Variants in DLG2 observed in about 807,000 individuals in gnomAD.
The protein encoded by DLG2 is disks large homolog 2.
A neutral mutation model predicts 132.5 loss-of-function variants in DLG2; 45 were observed. The observed-to-expected ratio is 0.34, with a 90% CI of 0.27 to 0.44. The LOEUF is 0.44. Among genes scored for constraint, DLG2 ranks in the 20% least tolerant of loss-of-function variants. DLG2 has a pLI of 1.00. For missense variants in DLG2, 1,045 were observed against 1,196.9 expected (o/e 0.87, Z 1.87); for synonymous variants, 424 against 419.6 (o/e 1.01, Z -0.13).
chr11:83,627,455 G>T (rs139526284), intron 19 of DLG2, among the ~76,000 whole-genome samples: 2 of 151,880 alleles, frequency 1.3e-5, no homozygotes, highest in South Asian at 2.1e-4. Context: ...TGAGTGAGAA[G>T]ATGCGGTGTT....
intron 11 of DLG2, among the ~76,000 whole-genome samples, chr11:84,001,527 G>A (rs2094345176): frequency 1.3e-5 from 2 of 152,034 alleles, no homozygotes; most frequent in South Asian, 4.1e-4. Context: ...ATCCCACTCG[G>A]CATTAGACAG....
At chr11:85,425,205 T>C (rs1477633558) in intron 3 of DLG2, among the ~76,000 whole-genome samples, 1 of 152,202 alleles carries the variant, frequency 6.6e-6, no homozygotes, top group East Asian at 1.9e-4. Flanking sequence ...AAAGAAAATG[T>C]TGTTAAATAC....
intron 6 of DLG2, among the ~76,000 whole-genome samples, chr11:84,975,739 C>T (rs567859015): frequency 1.3e-5 from 2 of 152,274 alleles, no homozygotes; most frequent in South Asian, 4.1e-4. Flanking sequence ...AATAAAGTTA[C>T]TCTGAAAATA....
At chr11:84,849,839 T>C (rs780064503) in intron 6 of DLG2, among the ~76,000 whole-genome samples, 3 of 152,118 alleles carry the variant, frequency 2.0e-5, no homozygotes, top group Non-Finnish European at 4.4e-5. Flanking sequence ...TTTTCACTGC[T>C]GTGTGTCCCC....
chr11:84,728,454 T>A (rs531075338), intron 6 of DLG2, among the ~76,000 whole-genome samples: 16 of 152,298 alleles, frequency 1.1e-4, no homozygotes, highest in Non-Finnish European at 1.9e-4. Flanking sequence ...TTGATCGTGG[T>A]GGATAAGCTT....
chr11:83,867,008 A>G (rs1370346573), intron 16 of DLG2, among the ~76,000 whole-genome samples: 1 of 152,202 alleles, frequency 6.6e-6, no homozygotes, highest in East Asian at 1.9e-4. Context: ...GAGTGGAATC[A>G]TTATACAAGT....
At chr11:84,984,021 C>G (rs1405470712) in intron 6 of DLG2, among the ~76,000 whole-genome samples, 1 of 152,100 alleles carries the variant, frequency 6.6e-6, no homozygotes, top group Admixed American at 6.5e-5. Context: ...GTTAAACAAC[C>G]AAACTTAAGA....
At chr11:84,540,239 T>C (rs1205332097) in intron 6 of DLG2, among the ~76,000 whole-genome samples, 1 of 150,956 alleles carries the variant, frequency 6.6e-6, no homozygotes, top group Non-Finnish European at 1.5e-5. Flanking sequence ...GAAACTACCA[T>C]CAGAGTGAAC....
chr11:84,644,197 A>G (rs2099671650), intron 6 of DLG2, among the ~76,000 whole-genome samples: 1 of 152,138 alleles, frequency 6.6e-6, no homozygotes, highest in African/African-American at 2.4e-5. Flanking sequence ...CCATCTATGT[A>G]TTCTAAGCCT....
chr11:84,395,666 T>A (rs1470204861), intron 7 of DLG2, among the ~76,000 whole-genome samples: 1 of 152,218 alleles, frequency 6.6e-6, no homozygotes, highest in Admixed American at 6.5e-5. Context: ...AACTATCTTG[T>A]TAGTTGTCTG....
At chr11:84,703,201 T>C (rs1336929915) in intron 6 of DLG2, among the ~76,000 whole-genome samples, 1 of 151,674 alleles carries the variant, frequency 6.6e-6, no homozygotes, top group African/African-American at 2.4e-5. Context: ...CTTAGATTAA[T>C]TGAGTCATCC....
chr11:85,267,547 T>C (rs1197640062), intron 4 of DLG2, among the ~76,000 whole-genome samples: 2 of 152,156 alleles, frequency 1.3e-5, no homozygotes, highest in African/African-American at 2.4e-5. Flanking sequence ...TTAGTTTATG[T>C]AGAATTGATG....
intron 4 of DLG2, among the ~76,000 whole-genome samples, chr11:85,177,252 T>C (rs2079334774): frequency 6.9e-6 from 1 of 145,750 alleles, no homozygotes; most frequent in Admixed American, 7.0e-5. Context: ...GTGGTGTGTA[T>C]GTATATGTAT....
intron 7 of DLG2, among the ~76,000 whole-genome samples, chr11:84,422,671 T>C (rs1178180846): frequency 6.6e-6 from 1 of 152,170 alleles, no homozygotes; most frequent in Non-Finnish European, 1.5e-5. Flanking sequence ...GACCCTCAAA[T>C]TAATATATAC....
At chr11:85,352,915 A>G (rs1349349968) in intron 3 of DLG2, among the ~76,000 whole-genome samples, 1 of 152,226 alleles carries the variant, frequency 6.6e-6, no homozygotes, top group Non-Finnish European at 1.5e-5. Context: ...ACCATTCAGG[A>G]CATAGGCATG....
intron 2 of DLG2, among the ~76,000 whole-genome samples, chr11:85,614,521 T>A (rs2081215027): frequency 6.6e-6 from 1 of 152,058 alleles, no homozygotes; most frequent in African/African-American, 2.4e-5. Context: ...ATGCCTGTAA[T>A]CCCAGCTACT....
In DLG2 at chr11:84,879,965, C is replaced by A. The variant is rs547784523; in HGVS notation, c.357+231696G>T. On this transcript the variant is annotated intron_variant, in intron 6 of 27. Transcript: ENST00000376104. ...AGAAAAATTCCAAATCAGTGACAGC[C>A]TAGGAAAATAACCAATTTCAAAGGC... Among the ~76,000 whole-genome samples, 237 of 152,032 alleles carry A rather than the reference C, an allele frequency of 1.6e-3. 2 individuals are homozygous for A. The highest frequency in any genetic ancestry group is 5.5e-3 in the African/African-American group (229 of 41,492).
intron 6 of DLG2, among the ~76,000 whole-genome samples, chr11:84,743,469 G>T (rs2064955120): frequency 6.6e-6 from 1 of 151,978 alleles, no homozygotes; most frequent in South Asian, 2.1e-4. Flanking sequence ...AGCATTCATT[G>T]AGTTCTATGA....
chr11:84,920,713 ATG>A (rs34997443), intron 6 of DLG2, among the ~76,000 whole-genome samples: 1 of 151,044 alleles, frequency 6.6e-6, no homozygotes, highest in African/African-American at 2.4e-5. Context: ...GTTTGTAAAT[ATG>A]TGTGTGTGTG....
Sources: gnomAD v4.1 joint callset for allele counts (sites outside exome capture counted in the v4.1 genomes callset) on GRCh38, gnomAD v4.1.1 for gene constraint, MANE v1.5 for transcripts, NCBI Gene and HGNC (gene_info 2026-07-23, HGNC 2026-07-21) for gene names.